The following PRR11 variants were observed in gnomAD, a reference collection of about 807,000 sequenced individuals.
PRR11 encodes proline-rich protein 11.
A neutral mutation model predicts 45.6 loss-of-function variants in PRR11; 30 were observed. The observed-to-expected ratio is 0.66, with a 90% confidence interval of 0.49 to 0.89. The LOEUF (loss-of-function observed/expected upper bound fraction) is 0.89. PRR11 is among the 40% of genes least tolerant of loss of function. The pLI, the probability that PRR11 is intolerant of heterozygous loss-of-function variation, is 0.00. For missense variants in PRR11, 373 were observed against 424.8 expected, an observed-to-expected ratio of 0.88 and a Z score of 1.07; for synonymous variants, 128 against 153.5, an observed-to-expected ratio of 0.83 and a Z score of 1.23.
chr17:59,180,497 T>G (rs1233254817), intron 2 of PRR11, among the ~76,000 whole-genome samples: 14 of 112,764 alleles, frequency 1.2e-4, no homozygotes, highest in African/African-American at 2.0e-4. Context: ...CCCGTCCTTG[T>G]TTTTTTTTTT....
At position 59,164,429 on chromosome 17, in the gene PRR11, T is replaced by G. The variant is rs150187886; in HGVS notation, c.-5-5319T>G. Among the ~76,000 whole-genome samples, 528 of 151,976 alleles carry G rather than the reference T, an allele frequency of 3.5e-3. 5 individuals carry two copies. Among genetic ancestry groups the G allele is most frequent in the African/African-American group, 0.012 (516 of 41,456 alleles). On this transcript the variant is annotated intron_variant, in intron 1 of 9. Transcript: ENST00000262293. ...ATGGGGCCGGGCGTAGTGGCTCATT[T>G]CTGTAATCCCAGCACTTTGGGAGGC...
chr17:59,162,231 C>G (rs1193971785), intron 1 of PRR11, among the ~76,000 whole-genome samples: 1 of 151,108 alleles, frequency 6.6e-6, no homozygotes, highest in African/African-American at 2.5e-5. Context: ...CACACACACA[C>G]ACACACACAC....
chr17:59,175,939 G>T (rs1266661004), intron 2 of PRR11, among the ~76,000 whole-genome samples: 1 of 152,172 alleles, frequency 6.6e-6, no homozygotes, highest in African/African-American at 2.4e-5. Flanking sequence ...CATTGATATT[G>T]TGCCAAGACC....
intron 1 of PRR11, among the ~76,000 whole-genome samples, chr17:59,158,049 T>C (rs1465872618): frequency 1.3e-5 from 2 of 152,186 alleles, no homozygotes; most frequent in Non-Finnish European, 2.9e-5. Context: ...TAAAGGAACC[T>C]TCAAATACTT....
At chr17:59,185,003 A>G (rs770233113) in intron 2 of PRR11, 51 bp from the exon 3 acceptor site, 2 of 1,560,186 alleles carry the variant, frequency 1.3e-6, no homozygotes, top group Non-Finnish European at 1.8e-6. Context: ...GGCCAAGGCT[A>G]TTATTCTGAC....
At chr17:59,200,185 A>AAAATTGTTGT (rs1169379262) in intron 9 of PRR11, among the ~76,000 whole-genome samples, 3 of 152,244 alleles carry the variant, frequency 2.0e-5, no homozygotes, top group Admixed American at 1.3e-4. Flanking sequence ...GTTGTTAGAT[A>AAAATTGTTGT]TAGATGACTT....
intron 2 of PRR11, among the ~76,000 whole-genome samples, chr17:59,173,271 A>G (rs1239618571): frequency 6.6e-6 from 1 of 152,136 alleles, no homozygotes; most frequent in Non-Finnish European, 1.5e-5. Context: ...TGTAAAATGG[A>G]CCAATCAGCA....
rs116294416 is a variant in PRR11 at position 59,191,857 on chromosome 17, C to T, written c.403-1635C>T. Among the ~76,000 whole-genome samples, 470 of 152,244 alleles carry T rather than the reference C, an allele frequency of 3.1e-3. 3 individuals carry two copies. Among genetic ancestry groups the T allele is most frequent in the African/African-American group, 0.011 (457 of 41,534 alleles). ...GCTTCTGGAATTCCATCCCTGCTCCCAGAATTTGTGCCTCAGGATGAATTA... is the reference window on the plus strand; with the variant it reads ...GCTTCTGGAATTCCATCCCTGCTCCTAGAATTTGTGCCTCAGGATGAATTA... On this transcript the variant is annotated intron_variant, in intron 4 of 9. Transcript: ENST00000262293.
intron 9 of PRR11, among the ~76,000 whole-genome samples, chr17:59,200,970 G>A (rs371088056): frequency 1.3e-4 from 19 of 150,796 alleles, no homozygotes; most frequent in African/African-American, 3.4e-4. Context: ...ATTTCAATAC[G>A]TTTTTGGGGA....
intron 2 of PRR11, among the ~76,000 whole-genome samples, chr17:59,182,411 A>C (rs1291664090): frequency 1.5e-5 from 1 of 67,334 alleles, no homozygotes; most frequent in East Asian, 5.1e-4. Context: ...TTTTTTTTTG[A>C]GACAGTGTCT....
intron 2 of PRR11, among the ~76,000 whole-genome samples, chr17:59,178,001 C>G (rs1381030673): frequency 7.6e-6 from 1 of 131,294 alleles, no homozygotes; most frequent in Non-Finnish European, 1.6e-5. Flanking sequence ...GATACTGTCT[C>G]GAAAAAAAAA....
At position 59,197,487 on chromosome 17, in the gene PRR11, G is replaced by A; in HGVS notation, c.858-57G>A. 3 of 1,464,748 alleles carry A rather than the reference G, an allele frequency of 2.0e-6. No individual in the cohort carries two copies. The African/African-American group carries it at 4.2e-5, about 20-fold the overall frequency. The allele number at this position is 1,464,748 out of a possible 1,614,324, so 90.7% of individuals were successfully genotyped here. ...AGGATGGTCTTGATCTCCTGACCTT[G>A]TGATCCACCTGCCTCAGCCTCCCAA... On this transcript the variant is annotated intron_variant, in intron 7 of 9. Transcript: ENST00000262293.
intron 1 of PRR11, among the ~76,000 whole-genome samples, chr17:59,164,930 C>G (rs184786022): frequency 2.7e-5 from 4 of 150,678 alleles, no homozygotes; most frequent in Non-Finnish European, 5.9e-5. Flanking sequence ...AACCTTTTTT[C>G]TTCAGGCAGC....
At chr17:59,179,885 T>A in intron 2 of PRR11, 1 of 1,338,388 alleles carries the variant, frequency 7.5e-7, no homozygotes, top group Non-Finnish European at 1.0e-6. Flanking sequence ...AGGGGCTGAG[T>A]AAAGAAACCA....
At chr17:59,175,289 CCTG>C (rs1353738645) in intron 2 of PRR11, among the ~76,000 whole-genome samples, 1 of 152,160 alleles carries the variant, frequency 6.6e-6, no homozygotes, top group African/African-American at 2.4e-5. Flanking sequence ...TTGTCAGAGA[CCTG>C]CTGAAGGGCG....
rs780548478 is a variant in PRR11 at position 59,169,093 on chromosome 17, C to CTTT, written c.-5-636_-5-634dup. 5.4e-3 allele frequency among the ~76,000 whole-genome samples: 576 copies of CTTT among 106,590 alleles called. 4 individuals are homozygous for CTTT. Among genetic ancestry groups the CTTT allele is most frequent in the African/African-American group, 8.3e-3 (211 of 25,496 alleles). The allele number at this position is 106,590 out of a possible 152,430, so 69.9% of individuals were successfully genotyped here. ...GATGCTGCTGGTAAAGAAACATATTCTTTTTTTTTTTTTTTTTTTTTGAGG... is the reference window on the plus strand; with the variant it reads ...GATGCTGCTGGTAAAGAAACATATTCTTTTTTTTTTTTTTTTTTTTTTTTGAGG... On this transcript the variant is annotated intron_variant, in intron 1 of 9. Coordinates refer to ENST00000262293, the MANE Select transcript of PRR11 (RefSeq NM_018304.4).
chr17:59,162,253 G>A (rs1437502913), intron 1 of PRR11, among the ~76,000 whole-genome samples: 1 of 144,892 alleles, frequency 6.9e-6, no homozygotes. Context: ...CACACACAGA[G>A]AGAGAGAGAG....
At chr17:59,180,792 T>A (rs1302140281) in intron 2 of PRR11, among the ~76,000 whole-genome samples, 1 of 149,914 alleles carries the variant, frequency 6.7e-6, no homozygotes, top group Non-Finnish European at 1.5e-5. Context: ...AGACATGAGC[T>A]ACTGCGCCCG....
At chr17:59,183,057 A>C (rs1420854718) in intron 2 of PRR11, among the ~76,000 whole-genome samples, 1 of 152,162 alleles carries the variant, frequency 6.6e-6, no homozygotes, top group Non-Finnish European at 1.5e-5. Context: ...CCTTCCAATC[A>C]GGAAGGTTGG....
Sources: allele counts gnomAD v4.1 joint callset (sites outside exome capture counted in the v4.1 genomes callset), GRCh38; gene constraint gnomAD v4.1.1; transcripts MANE v1.5; gene names NCBI Gene and HGNC (gene_info 2026-07-23, HGNC 2026-07-21).